The following MITF variants were observed in gnomAD, a reference collection of about 807,000 sequenced individuals.
MITF encodes the protein melanocyte inducing transcription factor.
In MITF, 17 loss-of-function variants were observed where a neutral mutation model predicts 60.5. The ratio of observed to expected loss-of-function variants is 0.28; its 90% CI spans 0.19 to 0.42. The LOEUF (loss-of-function observed/expected upper bound fraction) is 0.42, where lower values mean the gene tolerates loss of function less well. Ranked by LOEUF, MITF falls within the 10% of genes least tolerant of loss-of-function variation. The probability of loss-of-function intolerance (pLI) is 1.00; values close to 1 mark genes in which losing one functional copy is unlikely to be tolerated. For synonymous variants in MITF, 260 were observed against 248.5 expected (o/e 1.05, Z -0.43); for missense variants, 622 against 683.5 (o/e 0.91, Z 1.00).
At chr3:69,863,141 T>G (rs2107218353) in intron 1 of MITF, among the ~76,000 whole-genome samples, 2 of 152,318 alleles carry the variant, frequency 1.3e-5, no homozygotes, top group Middle Eastern at 3.4e-3. Flanking sequence ...GGACTGTTTA[T>G]TCTGCTGAGT....
In MITF at chr3:69,883,391, C is replaced by T. The variant is rs534047277; in HGVS notation, c.354+4008C>T. 2.0e-5 allele frequency among the ~76,000 whole-genome samples: 3 copies of T among 152,260 alleles called. No individual in the cohort carries two copies. The East Asian group carries it at 5.8e-4, about 29-fold the overall frequency. On this transcript the variant is annotated intron_variant, in intron 2 of 9. Coordinates refer to ENST00000352241, the MANE Select transcript of MITF (RefSeq NM_001354604.2). Reference sequence around the variant, plus strand: ...AGATTCTAGCGAGGTGGGCTGGAAGCCCTGCTCCTTGTTACCCTCTTTCAA... The same window carrying T: ...AGATTCTAGCGAGGTGGGCTGGAAGTCCTGCTCCTTGTTACCCTCTTTCAA...
chr3:69,866,370 A>G, intron 1 of MITF: 2 of 1,613,538 alleles, frequency 1.2e-6, no homozygotes. Context: ...TATTCTGGAA[A>G]TAATCCCGGG....
chr3:69,873,158 G>A (rs761206022), intron 1 of MITF, among the ~76,000 whole-genome samples: 8 of 152,098 alleles, frequency 5.3e-5, no homozygotes, highest in Non-Finnish European at 7.4e-5. Flanking sequence ...GTGTGAAGCC[G>A]AACTATGATA....
At chr3:69,756,981 G>T (rs1233575225) in intron 1 of MITF, among the ~76,000 whole-genome samples, 1 of 151,860 alleles carries the variant, frequency 6.6e-6, no homozygotes, top group Admixed American at 6.6e-5. Flanking sequence ...TGGTGGGGTT[G>T]TTTTTTTTCC....
intron 1 of MITF, among the ~76,000 whole-genome samples, chr3:69,756,124 C>T (rs1446696441): frequency 1.3e-5 from 2 of 151,882 alleles, no homozygotes; most frequent in Non-Finnish European, 2.9e-5. Flanking sequence ...GTATATGTGG[C>T]AAGTTTTTTT....
chr3:69,958,200 CTCT>C (rs2066447476), intron 8 of MITF, among the ~76,000 whole-genome samples: 1 of 152,202 alleles, frequency 6.6e-6, no homozygotes, highest in Non-Finnish European at 1.5e-5. Flanking sequence ...ATTCTGATTT[CTCT>C]TCTTGCTGGC....
Position 69,789,931 on chromosome 3 carries a change from C to A in MITF, c.104+50230C>A, listed in dbSNP as rs563221120. ...TGTGCATGTATATATATATATATAT[C>A]CAAAAGAATTGAAAGCAGGGTCCTA... On this transcript the variant is annotated intron_variant, in intron 1 of 9. Coordinates refer to ENST00000352241, the MANE Select transcript of MITF (RefSeq NM_001354604.2). 1.1e-4 allele frequency among the ~76,000 whole-genome samples: 17 copies of A among 151,654 alleles called. No homozygotes were observed. In the South Asian group the frequency reaches 3.3e-3, roughly 30 times the overall value.
chr3:69,899,071 G>A (rs1052305878), intron 2 of MITF, among the ~76,000 whole-genome samples: 1 of 152,184 alleles, frequency 6.6e-6, no homozygotes, highest in Non-Finnish European at 1.5e-5. Flanking sequence ...AGAAAGTTTT[G>A]TAGGAATATG....
At chr3:69,771,222 A>G (rs1308746673) in intron 1 of MITF, among the ~76,000 whole-genome samples, 4 of 149,450 alleles carry the variant, frequency 2.7e-5, no homozygotes, top group African/African-American at 7.4e-5. Flanking sequence ...ACTTAAACCA[A>G]CTGAAAGTTA....
intron 1 of MITF, among the ~76,000 whole-genome samples, chr3:69,862,135 T>C (rs1421361895): frequency 1.3e-5 from 2 of 152,096 alleles, no homozygotes; most frequent in East Asian, 3.8e-4. Context: ...AATCATTTTT[T>C]AGAAACACAG....
chr3:69,852,156 T>G (rs1006880945), intron 1 of MITF, among the ~76,000 whole-genome samples: 3 of 152,170 alleles, frequency 2.0e-5, no homozygotes, highest in Non-Finnish European at 4.4e-5. Flanking sequence ...GGAATAGTCT[T>G]AAAGAATAGG....
At position 69,887,279 on chromosome 3, in the gene MITF, T is replaced by C. The variant is rs141211247; in HGVS notation, c.354+7896T>C. On this transcript the variant is annotated intron_variant, in intron 2 of 9. Transcript: ENST00000352241. ...CACTTAATTTGAAAGACTCTTCAGTTAGCACGCTTTTGAACAGAGATTGTG... is the reference window on the plus strand; with the variant it reads ...CACTTAATTTGAAAGACTCTTCAGTCAGCACGCTTTTGAACAGAGATTGTG... 9.2e-3 allele frequency among the ~76,000 whole-genome samples: 1,398 copies of C among 152,238 alleles called. 11 individuals carry two copies. The highest frequency in any genetic ancestry group is 0.031 in the Middle Eastern group (9 of 294).
intron 1 of MITF, among the ~76,000 whole-genome samples, chr3:69,759,129 G>A (rs547871693): frequency 6.6e-6 from 1 of 152,192 alleles, no homozygotes; most frequent in Admixed American, 6.5e-5. Flanking sequence ...TACAGGATAA[G>A]TTCCTTAGAG....
chr3:69,914,373 C>T (rs1162476508), intron 2 of MITF, among the ~76,000 whole-genome samples: 4 of 152,132 alleles, frequency 2.6e-5, no homozygotes, highest in African/African-American at 7.2e-5. Context: ...CCGCCTCCCT[C>T]GGCCTCCCAA....
At chr3:69,918,136 C>A (rs1029159920) in intron 2 of MITF, among the ~76,000 whole-genome samples, 5 of 152,146 alleles carry the variant, frequency 3.3e-5, no homozygotes, top group African/African-American at 1.2e-4. Flanking sequence ...ATGGTCTCTG[C>A]TCACTACAAC....
intron 1 of MITF, among the ~76,000 whole-genome samples, chr3:69,792,184 A>T (rs2062751182): frequency 6.6e-6 from 1 of 152,222 alleles, no homozygotes; most frequent in Non-Finnish European, 1.5e-5. Context: ...ACGAAACAAA[A>T]CAAAGCCAAC....
intron 1 of MITF, among the ~76,000 whole-genome samples, chr3:69,792,998 C>CTTTTTTTTTTTT (rs58440406): frequency 3.2e-5 from 1 of 31,094 alleles, no homozygotes; most frequent in African/African-American, 1.2e-4. Flanking sequence ...AAGTCTTTAG[C>CTTTTTTTTTTTT]TTTTTTTTTT....
chr3:69,950,543 T>C (rs2066221624), intron 6 of MITF, among the ~76,000 whole-genome samples: 1 of 148,058 alleles, frequency 6.8e-6, no homozygotes, highest in Admixed American at 6.8e-5. Context: ...TGTATGCATA[T>C]AGATATGCAT....
chr3:69,833,640 T>C (rs2063490196), intron 1 of MITF, among the ~76,000 whole-genome samples: 1 of 152,228 alleles, frequency 6.6e-6, no homozygotes, highest in African/African-American at 2.4e-5. Flanking sequence ...TGTTTTTCTA[T>C]TTACACTGTA....
Sources: gnomAD v4.1 joint callset for allele counts (sites outside exome capture counted in the v4.1 genomes callset) on GRCh38, gnomAD v4.1.1 for gene constraint, MANE v1.5 for transcripts, NCBI Gene and HGNC (gene_info 2026-07-23, HGNC 2026-07-21) for gene names.